The following NEK6 variants were observed in gnomAD, a reference collection of about 807,000 sequenced individuals.
NEK6 encodes the protein NIMA related kinase 6, also known as serine/threonine-protein kinase Nek6.
In NEK6, 27 loss-of-function variants were observed where a neutral mutation model predicts 43.5. The observed-to-expected ratio is 0.62, with a 90% confidence interval of 0.46 to 0.86. NEK6 has a LOEUF of 0.86. Among genes scored for constraint, NEK6 ranks in the 40% least tolerant of loss-of-function variants. The pLI is 0.00. For synonymous variants in NEK6, 167 were observed against 164.1 expected (o/e 1.02, Z -0.14); for missense variants, 318 against 414.4 (o/e 0.77, Z 2.02).
intron 1 of NEK6, chr9:124,261,461 G>A (rs1831026799): frequency 1.0e-6 from 1 of 985,532 alleles, no homozygotes; most frequent in African/African-American, 1.7e-5. Flanking sequence ...GGCACTGCCA[G>A]GCTTGTGTGG....
chr9:124,285,153 A>G (rs1832095664), intron 1 of NEK6, among the ~76,000 whole-genome samples: 1 of 152,210 alleles, frequency 6.6e-6, no homozygotes, highest in Non-Finnish European at 1.5e-5. Context: ...TCCCTCAGGC[A>G]CGGCACGGTT....
At chr9:124,313,550 T>C (rs1833654671) in intron 3 of NEK6, among the ~76,000 whole-genome samples, 3 of 152,154 alleles carry the variant, frequency 2.0e-5, no homozygotes, top group Admixed American at 2.0e-4. Context: ...ATATTTTTAG[T>C]AGAGACGGGG....
At chr9:124,268,467 CAGT>C in intron 1 of NEK6, among the ~76,000 whole-genome samples, 1 of 152,334 alleles carries the variant, frequency 6.6e-6, no homozygotes, top group East Asian at 1.9e-4. Flanking sequence ...ATTCACTTCC[CAGT>C]GGACATTTAA....
At chr9:124,335,786 G>A (rs1829261343) in intron 7 of NEK6, among the ~76,000 whole-genome samples, 2 of 152,228 alleles carry the variant, frequency 1.3e-5, no homozygotes, top group Admixed American at 6.5e-5. Context: ...CAAAAACTGC[G>A]AGGTAGTTCT....
intron 1 of NEK6, among the ~76,000 whole-genome samples, chr9:124,296,213 T>C (rs922633587): frequency 6.6e-6 from 1 of 152,360 alleles, no homozygotes; most frequent in Middle Eastern, 3.4e-3. Context: ...CTGGCACTGG[T>C]GCTGCCAGTA....
At chr9:124,327,477 C>A in intron 7 of NEK6, 32 bp downstream of exon 7, 1 of 1,549,554 alleles carries the variant, frequency 6.5e-7, no homozygotes. Context: ...CCCAGCAGCC[C>A]CCAGCGGTCC....
chr9:124,278,732 A>T (rs962699198), intron 1 of NEK6, among the ~76,000 whole-genome samples: 11 of 152,220 alleles, frequency 7.2e-5, no homozygotes, highest in African/African-American at 2.4e-4. Flanking sequence ...TGGTTGACAC[A>T]TTATACAGCT....
intron 1 of NEK6, among the ~76,000 whole-genome samples, chr9:124,273,947 C>T (rs1393484736): frequency 6.6e-6 from 1 of 152,080 alleles, no homozygotes; most frequent in African/African-American, 2.4e-5. Flanking sequence ...CCCCACATGG[C>T]CCCCCCATTC....
At chr9:124,306,068 G>T (rs888056932) in intron 2 of NEK6, among the ~76,000 whole-genome samples, 4 of 152,222 alleles carry the variant, frequency 2.6e-5, no homozygotes, top group Middle Eastern at 3.4e-3. Context: ...AAATAGGGAG[G>T]TGAGGAGGCC....
chr9:124,332,782 C>T (rs1205156535), intron 7 of NEK6, among the ~76,000 whole-genome samples: 2 of 152,268 alleles, frequency 1.3e-5, no homozygotes, highest in East Asian at 3.9e-4. Flanking sequence ...AATCAGCCTC[C>T]CTCTTTCAGA....
chr9:124,326,202 T>TCCCCCCCCCCCCCCCCCCCCCCC lies in NEK6; in HGVS notation c.406-117_406-116insCCCCCCCCCCCCCCCCCCCCCCC, dbSNP rs61223297. The TCCCCCCCCCCCCCCCCCCCCCCC allele has an allele frequency of 3.5e-3, 444 of 125,220 alleles. 109 individuals are homozygous for TCCCCCCCCCCCCCCCCCCCCCCC. Among genetic ancestry groups the TCCCCCCCCCCCCCCCCCCCCCCC allele is most frequent in the South Asian group, 6.6e-3 (101 of 15,400 alleles). 7.8% of individuals were successfully genotyped at this position (125,220 alleles called of 1,614,324 possible). ...GCTTATTGTTTGCTCAGTGGCTCAA[T>TCCCCCCCCCCCCCCCCCCCCCCC]CCCCCCCCCCCGCCCCTGCCAGGCA... is the stretch of plus-strand genomic sequence containing the variant. On this transcript the variant is annotated intron_variant, in intron 5 of 9. Coordinates refer to ENST00000320246, the MANE Select transcript of NEK6 (RefSeq NM_014397.6). This position sits in a 1 kb window ranked among gnomAD's most constrained non-coding sequence, Gnocchi z 4.5.
At chr9:124,328,198 A>ATG (rs1828770411) in intron 7 of NEK6, among the ~76,000 whole-genome samples, 1 of 152,154 alleles carries the variant, frequency 6.6e-6, no homozygotes, top group African/African-American at 2.4e-5. Context: ...ATGTAACCAA[A>ATG]TGTGAAACTT....
chr9:124,334,072 C>T (rs907997841), intron 7 of NEK6, among the ~76,000 whole-genome samples: 5 of 152,312 alleles, frequency 3.3e-5, no homozygotes, highest in South Asian at 4.1e-4. Context: ...CCACCACGCC[C>T]GGCCCAAGTC....
chr9:124,289,224 C>T (rs1230541281), intron 1 of NEK6, among the ~76,000 whole-genome samples: 2 of 141,714 alleles, frequency 1.4e-5, no homozygotes, highest in African/African-American at 5.3e-5. Context: ...CACACACACA[C>T]ACACACACAC....
At chr9:124,315,626 C>T (rs1833774728) in intron 4 of NEK6, among the ~76,000 whole-genome samples, 1 of 152,246 alleles carries the variant, frequency 6.6e-6, no homozygotes, top group Non-Finnish European at 1.5e-5. Flanking sequence ...CCCTCCCCAC[C>T]TCATGTGCCC....
intron 4 of NEK6, among the ~76,000 whole-genome samples, chr9:124,315,115 G>A (rs1833750838): frequency 6.6e-6 from 1 of 152,238 alleles, no homozygotes; most frequent in Non-Finnish European, 1.5e-5. Context: ...CCTGCTCTTG[G>A]GGACTTCCAG....
chr9:124,284,615 G>A (rs1436530761), intron 1 of NEK6, among the ~76,000 whole-genome samples: 1 of 152,262 alleles, frequency 6.6e-6, no homozygotes, highest in Non-Finnish European at 1.5e-5. Flanking sequence ...GGACTGAGGC[G>A]GTCTCTATGG....
chr9:124,350,913 CCAAG>C lies in NEK6; in HGVS notation c.911_914del (p.Lys304ArgfsTer37). The C allele has an allele frequency of 6.2e-7, 1 of 1,610,854 alleles. No individual in the cohort carries two copies. Among genetic ancestry groups the C allele is most frequent in the Non-Finnish European group, 8.5e-7 (1 of 1,179,814 alleles). On this transcript the variant is annotated frameshift_variant, in exon 10 of 10. Transcript: ENST00000320246. LOFTEE classifies it high-confidence loss of function. ...GACATCGGATACGTGCACCAGGTGG[CCAAG>C]CAGATGCACATCTGGATGTCCAGCA...
At chr9:124,337,679 T>C (rs996126227) in intron 7 of NEK6, among the ~76,000 whole-genome samples, 1 of 152,246 alleles carries the variant, frequency 6.6e-6, no homozygotes, top group South Asian at 2.1e-4. Context: ...TTCCAGTTTT[T>C]GCTGTTACAA....
Sources: allele counts gnomAD v4.1 joint callset (sites outside exome capture counted in the v4.1 genomes callset), GRCh38; gene constraint gnomAD v4.1.1; non-coding constraint Gnocchi (gnomAD v3.1); transcripts MANE v1.5; gene names NCBI Gene and HGNC (gene_info 2026-07-23, HGNC 2026-07-21).